Variants in TMIGD3 observed in about 807,000 individuals in gnomAD.
TMIGD3 encodes the protein transmembrane and immunoglobulin domain containing 3, also known as AD026 protein (AD026).
TMIGD3 carries 21 observed loss-of-function variants against 28.1 expected under a neutral mutation model. That is an observed-to-expected ratio of 0.75 (90% CI 0.53 to 1.08). The LOEUF is 1.08. Among genes scored for constraint, TMIGD3 ranks in the 50% least tolerant of loss-of-function variants. The pLI, the probability that TMIGD3 is intolerant of heterozygous loss-of-function variation, is 0.00. For missense variants in TMIGD3, 416 were observed against 435.6 expected, an observed-to-expected ratio of 0.96 and a Z score of 0.40; for synonymous variants, 151 against 162.1, an observed-to-expected ratio of 0.93 and a Z score of 0.52.
chr1:111,495,413 A>C (rs6672858), intron 1 of TMIGD3, among the ~76,000 whole-genome samples: 93,162 of 152,068 alleles, frequency 0.61, 29,586 homozygotes, highest in Admixed American at 0.73. Flanking sequence ...TCAAAATGAG[A>C]TACCATCTCA....
At chr1:111,542,943 C>A (rs1360182814) in intron 1 of TMIGD3, among the ~76,000 whole-genome samples, 1 of 152,134 alleles carries the variant, frequency 6.6e-6, no homozygotes, top group African/African-American at 2.4e-5. Context: ...GTGATCCTCC[C>A]ACTTTGGCCT....
rs1385925381 is a variant in TMIGD3, at chr1:111,490,722, G to A, written c.391C>T (p.Gln131Ter). 14 of 1,614,026 alleles carry A rather than the reference G, an allele frequency of 8.7e-6. No individual in the cohort carries two copies. Among genetic ancestry groups the A allele is most frequent in the Non-Finnish European group, 1.2e-5 (14 of 1,179,974 alleles). ...PGLPGCILSF[Q>*]LKVCFLPVMW... ...ACTGGAAGGAAGCAAACTTTCAACT[G>A]GAATGATAGAATGCACCCAGGGAGC... Residue 131 changes from glutamine to a stop codon, truncating the protein, a stop_gained, in exon 2 of 6, where the codon CAG becomes TAG. Coordinates refer to ENST00000369716, the MANE Select transcript of TMIGD3 (RefSeq NM_020683.7). LOFTEE classifies it high-confidence loss of function.
chr1:111,546,621 A>C (rs878897902), intron 1 of TMIGD3, among the ~76,000 whole-genome samples: 1 of 152,142 alleles, frequency 6.6e-6, no homozygotes, highest in Non-Finnish European at 1.5e-5. Context: ...TCAAGGCTGA[A>C]TATTATTCTA....
intron 1 of TMIGD3, among the ~76,000 whole-genome samples, chr1:111,534,428 T>C (rs767371495): frequency 1.3e-5 from 2 of 152,230 alleles, no homozygotes; most frequent in African/African-American, 2.4e-5. Flanking sequence ...TGCTTTTGTC[T>C]ATGCTGAGCT....
At chr1:111,486,538 T>G in intron 4 of TMIGD3, 48 bp downstream of exon 4, 9 of 1,097,758 alleles carry the variant, frequency 8.2e-6, no homozygotes, top group Non-Finnish European at 1.2e-5. Flanking sequence ...AGCCCCTACC[T>G]CCACCCCACC....
chr1:111,540,559 TC>T (rs1656787732), intron 1 of TMIGD3, among the ~76,000 whole-genome samples: 1 of 152,230 alleles, frequency 6.6e-6, no homozygotes, highest in African/African-American at 2.4e-5. Flanking sequence ...GGTTGGTGGT[TC>T]TAGGATTCAG....
chr1:111,500,181 T>C (rs773932272), intron 1 of TMIGD3: 6 of 1,614,044 alleles, frequency 3.7e-6, no homozygotes, highest in Non-Finnish European at 5.1e-6. Context: ...AAGGCAGCCA[T>C]GACAGAGCAA....
chr1:111,486,666 G>A lies in TMIGD3; in HGVS notation c.806-14C>T. On this transcript the variant is annotated splice_polypyrimidine_tract_variant and intron_variant, in intron 3 of 5. Coordinates refer to ENST00000369716, the MANE Select transcript of TMIGD3 (RefSeq NM_020683.7). ...TGCCTGATAGGTCTGAATCAGAAAG[G>A]ATTTGTTAAGTCAGGTGAGGCCCAT... 2 of 1,612,888 alleles carry A rather than the reference G, an allele frequency of 1.2e-6. No individual in the cohort carries two copies. The highest frequency in any genetic ancestry group is 1.7e-6 in the Non-Finnish European group (2 of 1,179,082).
chr1:111,552,973 A>G (rs1657329962), intron 1 of TMIGD3, among the ~76,000 whole-genome samples: 1 of 152,224 alleles, frequency 6.6e-6, no homozygotes, highest in Non-Finnish European at 1.5e-5. Flanking sequence ...CATCTCTAGG[A>G]CTATTACAAT....
At chr1:111,528,842 TG>T (rs1162259196) in intron 1 of TMIGD3, among the ~76,000 whole-genome samples, 1 of 152,086 alleles carries the variant, frequency 6.6e-6, no homozygotes, top group Non-Finnish European at 1.5e-5. Context: ...GAGAAGCAAT[TG>T]ACTTTTGTAA....
At chr1:111,535,527 C>G (rs938969224) in intron 1 of TMIGD3, among the ~76,000 whole-genome samples, 1 of 152,214 alleles carries the variant, frequency 6.6e-6, no homozygotes, top group Admixed American at 6.5e-5. Flanking sequence ...CAAAAGGACC[C>G]AGCAGTCCAA....
At chr1:111,521,507 A>G (rs903227561) in intron 1 of TMIGD3, among the ~76,000 whole-genome samples, 8 of 152,176 alleles carry the variant, frequency 5.3e-5, no homozygotes, top group Non-Finnish European at 1.0e-4. Flanking sequence ...TTTAATTTGC[A>G]TATGCCTACT....
intron 1 of TMIGD3, among the ~76,000 whole-genome samples, chr1:111,561,814 C>G (rs965315394): frequency 6.6e-6 from 1 of 152,000 alleles, no homozygotes; most frequent in African/African-American, 2.4e-5. Flanking sequence ...AGAAGTATGT[C>G]TGAATTTAAT....
At chr1:111,509,851 A>T (rs1358634378) in intron 1 of TMIGD3, among the ~76,000 whole-genome samples, 1 of 152,262 alleles carries the variant, frequency 6.6e-6, no homozygotes, top group Non-Finnish European at 1.5e-5. Flanking sequence ...GGGAAGTATT[A>T]TTAGATCCAT....
At chr1:111,547,469 TG>T (rs1487735964) in intron 1 of TMIGD3, among the ~76,000 whole-genome samples, 3 of 152,162 alleles carry the variant, frequency 2.0e-5, no homozygotes, top group African/African-American at 7.2e-5. Context: ...TTCAAATGTT[TG>T]TGAAAATGGA....
intron 1 of TMIGD3, among the ~76,000 whole-genome samples, chr1:111,511,729 A>G (rs559662340): frequency 2.0e-5 from 3 of 147,406 alleles, no homozygotes; most frequent in Admixed American, 6.7e-5. Flanking sequence ...CTCTCTGTTT[A>G]TTTCCTATGC....
chr1:111,508,190 A>ACC (rs148879520), upstream of TMIGD3, among the ~76,000 whole-genome samples: 7 of 151,872 alleles, frequency 4.6e-5, no homozygotes, highest in East Asian at 9.7e-4. Flanking sequence ...CACCCACCAG[A>ACC]CCCCCCCACC....
At chr1:111,560,755 G>A (rs976687326) in intron 1 of TMIGD3, among the ~76,000 whole-genome samples, 1 of 152,160 alleles carries the variant, frequency 6.6e-6, no homozygotes, top group African/African-American at 2.4e-5. Flanking sequence ...GCCTCCAAAA[G>A]TGCTGGGATT....
At chr1:111,562,710 T>G (rs2101049427) in intron 1 of TMIGD3, among the ~76,000 whole-genome samples, 1 of 152,332 alleles carries the variant, frequency 6.6e-6, no homozygotes, top group Middle Eastern at 3.4e-3. Flanking sequence ...ATAAATTGCC[T>G]CTATATTGCT....
Sources: gnomAD v4.1 joint callset for allele counts (sites outside exome capture counted in the v4.1 genomes callset) on GRCh38, gnomAD v4.1.1 for gene constraint, MANE v1.5 for transcripts, NCBI Gene and HGNC (gene_info 2026-07-23, HGNC 2026-07-21) for gene names.